Variants in THSD7A observed in about 807,000 individuals in gnomAD.
THSD7A encodes the protein thrombospondin type-1 domain-containing protein 7A.
THSD7A carries 96 observed loss-of-function variants against 231.3 expected under a neutral mutation model. That is an observed-to-expected ratio of 0.41 (90% confidence interval 0.35 to 0.49). The LOEUF (loss-of-function observed/expected upper bound fraction) is 0.49. Among genes scored for constraint, THSD7A ranks in the 20% least tolerant of loss-of-function variants. THSD7A has a pLI of 0.05. For synonymous variants in THSD7A, 940 were observed against 743.3 expected (o/e 1.26, Z -4.30); for missense variants, 2,290 against 2,070.2 (o/e 1.11, Z -2.06).
chr7:11,786,327 C>G (rs186198850), intron 1 of THSD7A, among the ~76,000 whole-genome samples: 141 of 152,198 alleles, frequency 9.3e-4, no homozygotes, highest in African/African-American at 3.1e-3. Context: ...GTTGTGACCA[C>G]TGTAACATTG....
chr7:11,407,591 G>C (rs1485623205), intron 19 of THSD7A, among the ~76,000 whole-genome samples, 168 bp from the exon 20 acceptor site: 6 of 152,162 alleles, frequency 3.9e-5, no homozygotes, highest in African/African-American at 9.7e-5. Flanking sequence ...AAAGTGGTTT[G>C]ACCTAGGAGA....
At chr7:11,738,473 A>T (rs539457313) in intron 1 of THSD7A, among the ~76,000 whole-genome samples, 2 of 152,164 alleles carry the variant, frequency 1.3e-5, no homozygotes, top group South Asian at 4.1e-4. Context: ...TGCTAGCAAT[A>T]CTTTACTCTT....
At chr7:11,716,592 A>T (rs1343852723) in intron 1 of THSD7A, among the ~76,000 whole-genome samples, 1 of 150,990 alleles carries the variant, frequency 6.6e-6, no homozygotes, top group East Asian at 2.0e-4. Context: ...TAAATTCTTC[A>T]GTGAAATAAT....
intron 4 of THSD7A, among the ~76,000 whole-genome samples, chr7:11,569,274 AC>A (rs1245662731): frequency 2.0e-5 from 3 of 152,168 alleles, no homozygotes; most frequent in African/African-American, 7.2e-5. Context: ...ATATTTGCAA[AC>A]TATTCATCCA....
At chr7:11,472,373 G>C (rs1010143057) in intron 8 of THSD7A, among the ~76,000 whole-genome samples, 2 of 152,128 alleles carry the variant, frequency 1.3e-5, no homozygotes, top group African/African-American at 4.8e-5. Context: ...GTTTTATTAA[G>C]AGAAGTTTAA....
At chr7:11,524,690 T>G (rs1402981857) in intron 6 of THSD7A, among the ~76,000 whole-genome samples, 1 of 152,108 alleles carries the variant, frequency 6.6e-6, no homozygotes, top group Non-Finnish European at 1.5e-5. Flanking sequence ...ATTTTCCTCC[T>G]CTTATACACA....
intron 4 of THSD7A, among the ~76,000 whole-genome samples, chr7:11,543,774 G>C (rs1789252402): frequency 6.6e-6 from 1 of 152,048 alleles, no homozygotes; most frequent in Admixed American, 6.6e-5. Context: ...TTCATAATTT[G>C]ACCAATAAAC....
chr7:11,398,936 C>T (rs1478120485), intron 23 of THSD7A, among the ~76,000 whole-genome samples: 1 of 152,132 alleles, frequency 6.6e-6, no homozygotes, highest in African/African-American at 2.4e-5. Context: ...AACAAGCTAA[C>T]TAGATAACTT....
intron 4 of THSD7A, among the ~76,000 whole-genome samples, chr7:11,546,893 A>G (rs1789423257): frequency 6.6e-6 from 1 of 151,798 alleles, no homozygotes; most frequent in African/African-American, 2.4e-5. Flanking sequence ...AAAACTCACT[A>G]TAAGAATTTC....
intron 4 of THSD7A, among the ~76,000 whole-genome samples, chr7:11,566,973 G>A (rs1272752976): frequency 2.4e-5 from 3 of 124,376 alleles, no homozygotes; most frequent in Non-Finnish European, 3.4e-5. Context: ...AGTGGGGGGG[G>A]GACTGACCAA....
At position 11,411,433 on chromosome 7, in the gene THSD7A, C is replaced by A. The variant is rs1783783664; in HGVS notation, c.3683-111G>T. 5.8e-6 allele frequency: 4 copies of A among 692,362 alleles called. No individual in the cohort carries two copies. The highest frequency in any genetic ancestry group is 9.8e-6 in the Non-Finnish European group (4 of 406,762). 42.9% of individuals were successfully genotyped at this position (692,362 alleles called of 1,614,324 possible). On this transcript the variant is annotated intron_variant, in intron 18 of 27. Transcript: ENST00000423059. This position sits in a 1 kb window ranked among gnomAD's most constrained non-coding sequence, Gnocchi z 4.1. ...TAATTCACAACTGCTTCCTAAGCCC[C>A]ATAATCAATCATCCCCCATGCAGAG...
At chr7:11,605,548 C>T (rs1584068791) in intron 2 of THSD7A, among the ~76,000 whole-genome samples, 2 of 152,110 alleles carry the variant, frequency 1.3e-5, no homozygotes, top group Admixed American at 6.6e-5. Context: ...TAACAACATT[C>T]CCAGAAGATC....
intron 17 of THSD7A, 53 bp downstream of exon 17, chr7:11,417,397 A>T (rs914256034): frequency 6.9e-7 from 1 of 1,446,042 alleles, no homozygotes; most frequent in Non-Finnish European, 9.2e-7. Context: ...TTAAAGCTTC[A>T]GTGGCAAATA....
chr7:11,637,944 G>A lies in THSD7A; in HGVS notation c.191-983C>T, dbSNP rs2681041. Among the ~76,000 whole-genome samples, 22,587 of 152,072 alleles carry A rather than the reference G, an allele frequency of 0.15. 1,783 individuals are homozygous for A. Among genetic ancestry groups the A allele is most frequent in the Admixed American group, 0.21 (3,142 of 15,284 alleles). Reference sequence around the variant, plus strand: ...AATCATAAAGAAACTTAAAGTTCATGTAAGTACATGATTTTCAAAAAGTAT... The same window carrying A: ...AATCATAAAGAAACTTAAAGTTCATATAAGTACATGATTTTCAAAAAGTAT... On this transcript the variant is annotated intron_variant, in intron 1 of 27. Transcript: ENST00000423059. The surrounding 1 kb of genome is among the most constrained non-coding windows in gnomAD (Gnocchi z 4.2).
In THSD7A at chr7:11,636,160, A is replaced by G; in HGVS notation, c.992T>C (p.Ile331Thr). The G allele has an allele frequency of 6.8e-6, 11 of 1,612,898 alleles. No individual in the cohort carries two copies. Among genetic ancestry groups the G allele is most frequent in the Non-Finnish European group, 9.3e-6 (11 of 1,179,502 alleles). Reference protein sequence around the residue: ...IGYQTREVMCINKTGKAADLS... With the variant: ...IGYQTREVMCTNKTGKAADLS... ...ATCAGCAGCTTTCCCCGTCTTGTTA[A>G]TGCACATAACCTCTCTGGTCTGATA... Residue 331 changes from isoleucine (I) to threonine (T), a missense_variant, in exon 2 of 28, where the codon ATT becomes ACT. Transcript: ENST00000423059. The surrounding 1 kb of genome is among the most constrained non-coding windows in gnomAD (Gnocchi z 10.0).
intron 1 of THSD7A, among the ~76,000 whole-genome samples, chr7:11,661,456 A>C (rs1782925740): frequency 6.6e-6 from 1 of 151,294 alleles, no homozygotes; most frequent in Admixed American, 6.6e-5. Flanking sequence ...AACATGATGG[A>C]GAATTTAAGC....
intron 1 of THSD7A, among the ~76,000 whole-genome samples, chr7:11,762,008 TTTTC>T (rs1487550817): frequency 1.3e-5 from 2 of 152,170 alleles, no homozygotes; most frequent in Non-Finnish European, 2.9e-5. Flanking sequence ...TAGAATTTTA[TTTTC>T]TTTTTCTGCA....
chr7:11,490,102 A>T (rs1786826204), intron 6 of THSD7A, among the ~76,000 whole-genome samples: 1 of 151,926 alleles, frequency 6.6e-6, no homozygotes, highest in Non-Finnish European at 1.5e-5. Flanking sequence ...TTTTTCCTTC[A>T]TGACCCTAGC....
At chr7:11,523,061 G>A (rs10216142) in intron 6 of THSD7A, among the ~76,000 whole-genome samples, 24,121 of 152,048 alleles carry the variant, frequency 0.16, 2,218 homozygotes, top group African/African-American at 0.25. Flanking sequence ...CGTTGTATTA[G>A]TCACACATAT....
Sources: allele counts gnomAD v4.1 joint callset (sites outside exome capture counted in the v4.1 genomes callset), GRCh38; gene constraint gnomAD v4.1.1; non-coding constraint Gnocchi (gnomAD v3.1); transcripts MANE v1.5; gene names NCBI Gene and HGNC (gene_info 2026-07-23, HGNC 2026-07-21).